The following NKAIN3 variants were observed in gnomAD, a reference collection of about 807,000 sequenced individuals.
The protein encoded by NKAIN3 is sodium/potassium-transporting ATPase subunit beta-1-interacting protein 3.
Under a neutral mutation model 30.2 loss-of-function variants are expected in NKAIN3, and 25 were observed. The observed-to-expected ratio is 0.83, with a 90% confidence interval of 0.60 to 1.16. NKAIN3 has a LOEUF of 1.16. NKAIN3 is among the 50% of genes most tolerant of loss of function. The pLI, the probability that NKAIN3 is intolerant of heterozygous loss-of-function variation, is 0.00. For missense variants in NKAIN3, 225 were observed against 254.1 expected, an observed-to-expected ratio of 0.89 and a Z score of 0.78; for synonymous variants, 91 against 89.6, an observed-to-expected ratio of 1.02 and a Z score of -0.09.
chr8:62,928,243 A>ACTT (rs1822508511), intron 5 of NKAIN3, among the ~76,000 whole-genome samples: 1 of 152,158 alleles, frequency 6.6e-6, no homozygotes, highest in Admixed American at 6.5e-5. Flanking sequence ...GTTAATTATA[A>ACTT]ATTATTTCTA....
intron 1 of NKAIN3, among the ~76,000 whole-genome samples, chr8:62,307,402 C>G (rs992529356): frequency 6.7e-6 from 1 of 150,064 alleles, no homozygotes; most frequent in African/African-American, 2.5e-5. Flanking sequence ...TCCTCTGTCC[C>G]TATCTCTCTG....
intron 4 of NKAIN3, among the ~76,000 whole-genome samples, chr8:62,798,700 T>C (rs569296619): frequency 6.6e-6 from 1 of 152,360 alleles, no homozygotes; most frequent in Non-Finnish European, 1.5e-5. Flanking sequence ...CTCAGACTTC[T>C]GGCTTGCAGA....
chr8:62,469,247 T>A (rs1806251297), intron 1 of NKAIN3, among the ~76,000 whole-genome samples: 2 of 152,174 alleles, frequency 1.3e-5, no homozygotes, highest in African/African-American at 4.8e-5. Context: ...ATAATGGCAA[T>A]ACTAGAAAAC....
chr8:62,978,413 C>A lies in NKAIN3; in HGVS notation c.*13006C>A, dbSNP rs1407121728. The A allele has an allele frequency of 6.6e-6, 1 of 152,366 alleles. No homozygotes were observed. The highest frequency in any genetic ancestry group is 2.4e-5 in the African/African-American group (1 of 41,444). 9.4% of individuals were successfully genotyped at this position (152,366 alleles called of 1,614,324 possible). ...TGGCTTTCTTTCAGAGATGCCCTGC[C>A]CAGAGAGGAGGAATCTAGAGAGGCA... On this transcript the variant is annotated 3_prime_UTR_variant, in exon 7 of 7. Transcript: ENST00000623646.
chr8:62,899,379 A>C lies in NKAIN3; in HGVS notation c.472-19074A>C, dbSNP rs1051074480. 2.0e-5 allele frequency among the ~76,000 whole-genome samples: 3 copies of C among 152,240 alleles called. No individual in the cohort carries two copies. In the East Asian group the frequency reaches 5.8e-4, roughly 29 times the overall value. Reference sequence around the variant, plus strand: ...GATAAAGAAAATGTGGTACATATACACAATGGAGTACTGTTCAGCCATAAA... The same window carrying C: ...GATAAAGAAAATGTGGTACATATACCCAATGGAGTACTGTTCAGCCATAAA... On this transcript the variant is annotated intron_variant, in intron 4 of 6. Transcript: ENST00000623646.
chr8:62,753,503 A>G (rs1816352427), intron 4 of NKAIN3, among the ~76,000 whole-genome samples: 1 of 152,168 alleles, frequency 6.6e-6, no homozygotes, highest in Non-Finnish European at 1.5e-5. Flanking sequence ...AAAATTTAGT[A>G]ATTAATTCAA....
At chr8:62,258,111 T>C (rs1181641973) in intron 1 of NKAIN3, among the ~76,000 whole-genome samples, 1 of 152,172 alleles carries the variant, frequency 6.6e-6, no homozygotes, top group Admixed American at 6.5e-5. Flanking sequence ...GTCTCTAGGA[T>C]TGGAACAGTT....
At chr8:62,957,675 C>G (rs1489682488) in intron 6 of NKAIN3, among the ~76,000 whole-genome samples, 2 of 152,006 alleles carry the variant, frequency 1.3e-5, no homozygotes, top group Non-Finnish European at 2.9e-5. Context: ...AAAGGCAAAA[C>G]TATGGAGACA....
chr8:62,944,338 A>C (rs1823063980), intron 5 of NKAIN3, among the ~76,000 whole-genome samples: 1 of 152,072 alleles, frequency 6.6e-6, no homozygotes, highest in Admixed American at 6.5e-5. Flanking sequence ...TGGTAGTATA[A>C]GTTCTTCAAC....
intron 4 of NKAIN3, among the ~76,000 whole-genome samples, chr8:62,766,862 G>C (rs1479360926): frequency 6.6e-6 from 1 of 152,148 alleles, no homozygotes; most frequent in Non-Finnish European, 1.5e-5. Context: ...GGATGCCCTG[G>C]TTTGGGCTTG....
chr8:62,269,273 A>C (rs138583973), intron 1 of NKAIN3, among the ~76,000 whole-genome samples: 216 of 152,314 alleles, frequency 1.4e-3, no homozygotes, highest in African/African-American at 4.9e-3. Flanking sequence ...GGCTATGAAA[A>C]AACATTTTTA....
intron 3 of NKAIN3, among the ~76,000 whole-genome samples, chr8:62,676,477 T>G (rs1813477632): frequency 6.6e-6 from 1 of 152,076 alleles, no homozygotes; most frequent in Non-Finnish European, 1.5e-5. Context: ...GCTGAGGCAG[T>G]AGAATGGCGT....
intron 1 of NKAIN3, among the ~76,000 whole-genome samples, chr8:62,389,677 T>C (rs527334039): frequency 3.9e-5 from 6 of 152,170 alleles, no homozygotes; most frequent in Non-Finnish European, 8.8e-5. Context: ...TACATACAGG[T>C]GGGTATGAAG....
At chr8:62,763,863 A>G (rs996057178) in intron 4 of NKAIN3, among the ~76,000 whole-genome samples, 1 of 152,226 alleles carries the variant, frequency 6.6e-6, no homozygotes, top group African/African-American at 2.4e-5. Flanking sequence ...ACAGGCTAAG[A>G]GTATTTAAGG....
At chr8:62,448,488 A>AAAAC (rs1554532597) in intron 1 of NKAIN3, among the ~76,000 whole-genome samples, 6 of 150,692 alleles carry the variant, frequency 4.0e-5, no homozygotes, top group African/African-American at 1.5e-4. Flanking sequence ...AAAAAAAAAA[A>AAAAC]AAGATAAAAA....
At chr8:62,635,040 C>T (rs766924916) in intron 3 of NKAIN3, among the ~76,000 whole-genome samples, 2 of 151,740 alleles carry the variant, frequency 1.3e-5, no homozygotes, top group African/African-American at 2.4e-5. Context: ...CCTGGGGGGT[C>T]GGGGGCATGG....
chr8:62,867,417 T>G (rs1820461634), intron 4 of NKAIN3, among the ~76,000 whole-genome samples: 1 of 152,162 alleles, frequency 6.6e-6, no homozygotes, highest in Non-Finnish European at 1.5e-5. Context: ...GTACATGATA[T>G]TCACTGTAAT....
downstream of NKAIN3, among the ~76,000 whole-genome samples, chr8:62,985,566 G>T (rs775635000): frequency 9.2e-5 from 14 of 152,120 alleles, no homozygotes; most frequent in Non-Finnish European, 1.9e-4. Context: ...CTTAACATGA[G>T]AGTACTGTAG....
chr8:62,522,430 T>A (rs1032076640), intron 1 of NKAIN3, among the ~76,000 whole-genome samples: 4 of 152,116 alleles, frequency 2.6e-5, no homozygotes, highest in Non-Finnish European at 5.9e-5. Context: ...TATACTATAC[T>A]TTTTATCCCT....
Sources: gnomAD v4.1 joint callset for allele counts (sites outside exome capture counted in the v4.1 genomes callset) on GRCh38, gnomAD v4.1.1 for gene constraint, MANE v1.5 for transcripts, NCBI Gene and HGNC (gene_info 2026-07-23, HGNC 2026-07-21) for gene names.